ZBTB38: variants seen among roughly 807,000 people sequenced by gnomAD.
ZBTB38 encodes the protein zinc finger and BTB domain-containing protein 38.
A neutral mutation model predicts 76.8 loss-of-function variants in ZBTB38; 20 were observed. The observed-to-expected ratio is 0.26, with a 90% CI of 0.18 to 0.38. The LOEUF (loss-of-function observed/expected upper bound fraction) is 0.38. ZBTB38 is among the 10% of genes least tolerant of loss of function. The probability of loss-of-function intolerance (pLI) is 1.00; values close to 1 mark genes in which losing one functional copy is unlikely to be tolerated. For synonymous variants in ZBTB38, 504 were observed against 544.2 expected (o/e 0.93, Z 1.03); for missense variants, 1,082 against 1,482.3 (o/e 0.73, Z 4.43).
intron 5 of ZBTB38, among the ~76,000 whole-genome samples, chr3:141,430,541 A>T (rs2077267900): frequency 6.6e-6 from 1 of 152,210 alleles, no homozygotes; most frequent in African/African-American, 2.4e-5. Context: ...TTTCAGGCGC[A>T]TCATCTCATT....
chr3:141,342,173 A>G (rs1313352942), intron 1 of ZBTB38, among the ~76,000 whole-genome samples: 2 of 152,042 alleles, frequency 1.3e-5, no homozygotes, highest in African/African-American at 4.8e-5. Context: ...AAAAATACAA[A>G]AATTGGCCAG....
At chr3:141,427,406 G>T (rs563381668) in intron 5 of ZBTB38, among the ~76,000 whole-genome samples, 13 of 152,330 alleles carry the variant, frequency 8.5e-5, no homozygotes, top group Admixed American at 7.8e-4. Flanking sequence ...AGGGTGGGCT[G>T]CCCAGGCTAG....
intron 4 of ZBTB38, among the ~76,000 whole-genome samples, chr3:141,398,012 G>C (rs1029113327): frequency 6.6e-6 from 1 of 152,182 alleles, no homozygotes; most frequent in Non-Finnish European, 1.5e-5. Context: ...AAAAAAAGAC[G>C]CAGTATCTAC....
At chr3:141,415,618 C>G (rs1280721788) in intron 5 of ZBTB38, among the ~76,000 whole-genome samples, 1 of 152,216 alleles carries the variant, frequency 6.6e-6, no homozygotes, top group Non-Finnish European at 1.5e-5. Context: ...AGCACAGAGA[C>G]AGACTGACAT....
At chr3:141,364,581 G>A (rs1943905899), upstream of ZBTB38, among the ~76,000 whole-genome samples, 1 of 150,330 alleles carries the variant, frequency 6.7e-6, no homozygotes, top group South Asian at 2.1e-4. Flanking sequence ...GGAGGCTGAG[G>A]CAGGAGAATC....
chr3:141,400,209 A>G (rs1398468138), intron 4 of ZBTB38, among the ~76,000 whole-genome samples: 2 of 152,204 alleles, frequency 1.3e-5, no homozygotes, highest in Non-Finnish European at 2.9e-5. Context: ...AAGGATGGAA[A>G]ATTTTGAAGA....
rs776496482 is a variant in ZBTB38 at position 141,352,470 on chromosome 3, T to G, written c.-738-16151T>G. Among the ~76,000 whole-genome samples, 53 of 151,926 alleles carry G rather than the reference T, an allele frequency of 3.5e-4. 1 individual carries two copies. Among genetic ancestry groups the G allele is most frequent in the Non-Finnish European group, 6.9e-4 (47 of 67,978 alleles). On this transcript the variant is annotated intron_variant, in intron 1 of 7. Transcript: ENST00000509842. ...GATATACAGATGGAGGGAAGGTCAA[T>G]GGGAGGGCTTCAAGTTTAAGAGAGA...
chr3:141,401,625 T>A (rs1951973305), intron 4 of ZBTB38, among the ~76,000 whole-genome samples: 1 of 150,708 alleles, frequency 6.6e-6, no homozygotes, highest in Non-Finnish European at 1.5e-5. Flanking sequence ...TTTTTTTTTT[T>A]AAGAAAATTT....
chr3:141,393,730 C>A (rs1007950905), intron 4 of ZBTB38, among the ~76,000 whole-genome samples: 1 of 152,036 alleles, frequency 6.6e-6, no homozygotes, highest in Non-Finnish European at 1.5e-5. Context: ...CGCTCTGCTG[C>A]GCCATGGAGC....
At chr3:141,385,098 G>T (rs997010545) in intron 3 of ZBTB38, among the ~76,000 whole-genome samples, 6 of 152,206 alleles carry the variant, frequency 3.9e-5, no homozygotes, top group Admixed American at 3.9e-4. Flanking sequence ...GCTTCAATGT[G>T]TTGCTAACCT....
chr3:141,381,081 CTGT>C, intron 2 of ZBTB38, among the ~76,000 whole-genome samples: 1 of 152,252 alleles, frequency 6.6e-6, no homozygotes, highest in Non-Finnish European at 1.5e-5. Context: ...CTAGAAGGCC[CTGT>C]TGTTTCACTT....
At chr3:141,344,582 C>T (rs1943288512) in intron 1 of ZBTB38, among the ~76,000 whole-genome samples, 2 of 152,158 alleles carry the variant, frequency 1.3e-5, no homozygotes, top group East Asian at 3.8e-4. Flanking sequence ...CTGTGTTTCC[C>T]AGGCTGATCT....
At chr3:141,359,123 C>G (rs375480545) in intron 1 of ZBTB38, among the ~76,000 whole-genome samples, 4 of 152,194 alleles carry the variant, frequency 2.6e-5, no homozygotes, top group African/African-American at 9.6e-5. Context: ...AGGTGGTTCT[C>G]GAGTTGGCCC....
chr3:141,390,417 A>G (rs1948483284), intron 4 of ZBTB38, among the ~76,000 whole-genome samples: 1 of 152,222 alleles, frequency 6.6e-6, no homozygotes, highest in Non-Finnish European at 1.5e-5. Context: ...TGTTGGAATG[A>G]TTTATAATAT....
chr3:141,328,045 A>G (rs779403012), intron 1 of ZBTB38, among the ~76,000 whole-genome samples: 4 of 152,196 alleles, frequency 2.6e-5, no homozygotes, highest in Non-Finnish European at 4.4e-5. Context: ...TTGAAGTTCA[A>G]GATGGGAAAG....
chr3:141,384,497 G>T (rs1192638875), intron 3 of ZBTB38, among the ~76,000 whole-genome samples: 1 of 152,222 alleles, frequency 6.6e-6, no homozygotes, highest in Non-Finnish European at 1.5e-5. Context: ...AAACGTCATT[G>T]ATGGGGAATA....
intron 4 of ZBTB38, chr3:141,402,577 G>C (rs1361084369): frequency 2.0e-5 from 3 of 151,522 alleles, no homozygotes; most frequent in East Asian, 3.9e-4. Context: ...CGGGAAGCCG[G>C]GCTGGGGAAA....
At chr3:141,358,523 C>A (rs1354420042) in intron 1 of ZBTB38, among the ~76,000 whole-genome samples, 1 of 152,192 alleles carries the variant, frequency 6.6e-6, no homozygotes. Flanking sequence ...CTGAAATGTT[C>A]TTTTAAAAAT....
At chr3:141,335,217 G>T (rs780103104) in intron 1 of ZBTB38, among the ~76,000 whole-genome samples, 3 of 152,212 alleles carry the variant, frequency 2.0e-5, no homozygotes, top group Non-Finnish European at 1.5e-5. Context: ...GAGGATAATA[G>T]TTGTCTGCTC....
Sources: gnomAD v4.1 joint callset for allele counts (sites outside exome capture counted in the v4.1 genomes callset) on GRCh38, gnomAD v4.1.1 for gene constraint, MANE v1.5 for transcripts, NCBI Gene and HGNC (gene_info 2026-07-23, HGNC 2026-07-21) for gene names.